Variants in ARL15 observed in about 807,000 individuals in gnomAD.
ARL15 encodes ARF like GTPase 15, also known as ADP-ribosylation factor-like protein 15.
ARL15 carries 19 observed loss-of-function variants against 25.2 expected under a neutral mutation model. The ratio of observed to expected loss-of-function variants is 0.75; its 90% CI spans 0.53 to 1.10. ARL15 has a LOEUF of 1.10. ARL15 is among the 50% of genes least tolerant of loss of function. The pLI, the probability that ARL15 is intolerant of heterozygous loss-of-function variation, is 0.00. For synonymous variants in ARL15, 94 were observed against 86.8 expected, an observed-to-expected ratio of 1.08 and a Z score of -0.46; for missense variants, 220 against 246.0, an observed-to-expected ratio of 0.89 and a Z score of 0.71.
At chr5:54,121,861 A>T (rs774218547) in intron 3 of ARL15, among the ~76,000 whole-genome samples, 20 of 152,202 alleles carry the variant, frequency 1.3e-4, no homozygotes, top group Non-Finnish European at 2.8e-4. Context: ...TGTGAGGATT[A>T]AATAACTTTT....
chr5:54,280,207 C>G (rs1225402678), intron 1 of ARL15, among the ~76,000 whole-genome samples: 2 of 152,202 alleles, frequency 1.3e-5, no homozygotes, highest in East Asian at 3.8e-4. Context: ...CTCTCTCTAC[C>G]TTTTGTGGTT....
chr5:54,226,280 A>C (rs1756516075), intron 1 of ARL15, among the ~76,000 whole-genome samples: 1 of 152,204 alleles, frequency 6.6e-6, no homozygotes, highest in Non-Finnish European at 1.5e-5. Context: ...AATTGGATTT[A>C]AGATGAGGAA....
intron 1 of ARL15, among the ~76,000 whole-genome samples, chr5:54,246,052 G>C (rs1394525277): frequency 6.6e-6 from 1 of 151,998 alleles, no homozygotes; most frequent in Non-Finnish European, 1.5e-5. Flanking sequence ...GTCATTGATA[G>C]ATTTCTGAGC....
At chr5:54,156,915 T>A (rs1348775352) in intron 2 of ARL15, among the ~76,000 whole-genome samples, 1 of 152,216 alleles carries the variant, frequency 6.6e-6, no homozygotes, top group Non-Finnish European at 1.5e-5. Context: ...GGAAAGTCAG[T>A]GCCAATCATA....
intron 4 of ARL15, among the ~76,000 whole-genome samples, chr5:54,084,398 G>A (rs1163359126): frequency 2.0e-5 from 3 of 147,066 alleles, no homozygotes; most frequent in Admixed American, 1.4e-4. Context: ...GATACTTTTG[G>A]GGCCACTACA....
rs537090608 is a variant in ARL15 at position 54,120,336 on chromosome 5, T to C, written c.254-6926A>G. ...TTACAATGAAACTTCACTCTACTCATAGGCCTTTCTCAGAGTCCTGTCGTA... is the reference window on the plus strand; with the variant it reads ...TTACAATGAAACTTCACTCTACTCACAGGCCTTTCTCAGAGTCCTGTCGTA... On this transcript the variant is annotated intron_variant, in intron 3 of 4. Transcript: ENST00000504924. 3.9e-5 allele frequency among the ~76,000 whole-genome samples: 6 copies of C among 152,360 alleles called. No individual in the cohort carries two copies. The South Asian group carries it at 8.3e-4, about 21-fold the overall frequency.
intron 4 of ARL15, among the ~76,000 whole-genome samples, chr5:53,939,908 GAAA>G (rs556079082): frequency 5.7e-4 from 79 of 138,444 alleles, no homozygotes; most frequent in African/African-American, 2.2e-3. Flanking sequence ...GTGTTATCCA[GAAA>G]AAACAACAAC....
chr5:54,201,048 GA>G lies in ARL15; in HGVS notation c.49-29121del, dbSNP rs375455360. Among the ~76,000 whole-genome samples, 61 of 143,444 alleles carry G rather than the reference GA, an allele frequency of 4.3e-4. No homozygotes were observed. The East Asian group carries it at 4.6e-3, about 11-fold the overall frequency. 94.1% of individuals were successfully genotyped at this position (143,444 alleles called of 152,430 possible). On this transcript the variant is annotated intron_variant, in intron 1 of 4. Transcript: ENST00000504924. ...AAATCCCTCAAATTCAGTGGGTTAG[GA>G]AAAAAAAAAAGAGTTGAGTGATTCT...
chr5:54,182,265 G>A (rs1755080761), intron 1 of ARL15, among the ~76,000 whole-genome samples: 1 of 82,322 alleles, frequency 1.2e-5, no homozygotes, highest in Non-Finnish European at 2.3e-5. Flanking sequence ...TTTCTTCTAG[G>A]GTTTTTATGG....
chr5:54,001,411 T>C (rs1235290857), intron 4 of ARL15, among the ~76,000 whole-genome samples: 1 of 152,188 alleles, frequency 6.6e-6, no homozygotes, highest in South Asian at 2.1e-4. Flanking sequence ...AATTCTCAAC[T>C]ACTCCATGAT....
chr5:54,277,174 T>C (rs534508393), intron 1 of ARL15, among the ~76,000 whole-genome samples: 1 of 152,190 alleles, frequency 6.6e-6, no homozygotes, highest in Non-Finnish European at 1.5e-5. Context: ...ATTAATAATA[T>C]TGTTACTAAT....
intron 1 of ARL15, among the ~76,000 whole-genome samples, chr5:54,199,530 A>G (rs1047692307): frequency 3.3e-5 from 5 of 152,016 alleles, no homozygotes; most frequent in African/African-American, 1.2e-4. Flanking sequence ...GCAGCCAAAA[A>G]ACACATGAAA....
At chr5:54,222,983 ATTTTT>A (rs35959438) in intron 1 of ARL15, among the ~76,000 whole-genome samples, 3 of 127,106 alleles carry the variant, frequency 2.4e-5, no homozygotes, top group Non-Finnish European at 3.2e-5. Flanking sequence ...CTATGCCTGG[ATTTTT>A]TTTTTTTTTT....
At chr5:54,191,758 T>C (rs1755407652) in intron 1 of ARL15, among the ~76,000 whole-genome samples, 1 of 152,132 alleles carries the variant, frequency 6.6e-6, no homozygotes, top group Non-Finnish European at 1.5e-5. Context: ...CTTTGATTAT[T>C]CCAAAAGCCT....
intron 1 of ARL15, among the ~76,000 whole-genome samples, chr5:54,297,273 G>C (rs1758490934): frequency 6.6e-6 from 1 of 152,212 alleles, no homozygotes; most frequent in Admixed American, 6.5e-5. Context: ...TCTTTGGAGG[G>C]GTCCCTGGGA....
At chr5:54,307,297 C>G (rs768583031) in intron 1 of ARL15, among the ~76,000 whole-genome samples, 7 of 152,160 alleles carry the variant, frequency 4.6e-5, no homozygotes, top group Admixed American at 1.3e-4. Context: ...CTAATCCAAA[C>G]AGATTTTATC....
intron 4 of ARL15, among the ~76,000 whole-genome samples, chr5:54,038,790 G>C (rs1412499570): frequency 6.6e-6 from 1 of 152,088 alleles, no homozygotes; most frequent in Non-Finnish European, 1.5e-5. Context: ...GACATTTGCT[G>C]TCTTTGGAGA....
At chr5:53,933,703 C>T (rs939002293) in intron 4 of ARL15, among the ~76,000 whole-genome samples, 1 of 145,886 alleles carries the variant, frequency 6.9e-6, no homozygotes, top group African/African-American at 2.5e-5. Context: ...AGAATGAACA[C>T]TTAAAAAGCT....
intron 1 of ARL15, among the ~76,000 whole-genome samples, chr5:54,251,494 G>A (rs960092238): frequency 1.3e-5 from 2 of 152,142 alleles, no homozygotes; most frequent in Non-Finnish European, 2.9e-5. Context: ...GGCAGAAAAC[G>A]GAGGCTGCTG....
Sources: gnomAD v4.1 joint callset for allele counts (sites outside exome capture counted in the v4.1 genomes callset) on GRCh38, gnomAD v4.1.1 for gene constraint, MANE v1.5 for transcripts, NCBI Gene and HGNC (gene_info 2026-07-23, HGNC 2026-07-21) for gene names.